The following PRKN variants were observed in gnomAD, a reference collection of about 807,000 sequenced individuals.
PRKN encodes parkin RBR E3 ubiquitin protein ligase.
Under a neutral mutation model 59.5 loss-of-function variants are expected in PRKN, and 56 were observed. The observed-to-expected ratio is 0.94, with a 90% CI of 0.76 to 1.18. PRKN has a LOEUF of 1.18. PRKN is among the 50% of genes most tolerant of loss of function. PRKN has a pLI of 0.00. For synonymous variants in PRKN, 250 were observed against 222.1 expected (o/e 1.13, Z -1.12); for missense variants, 657 against 596.4 (o/e 1.10, Z -1.06).
At chr6:162,409,973 C>G (rs890436765) in intron 2 of PRKN, among the ~76,000 whole-genome samples, 5 of 152,138 alleles carry the variant, frequency 3.3e-5, no homozygotes, top group African/African-American at 9.7e-5. Flanking sequence ...TTTATTTCCA[C>G]CAGTGAAAAA....
intron 1 of PRKN, among the ~76,000 whole-genome samples, chr6:162,687,460 C>T (rs1219147623): frequency 2.0e-5 from 3 of 151,780 alleles, no homozygotes; most frequent in East Asian, 1.9e-4. Flanking sequence ...CTGGGATTAC[C>T]GTCGTAAGCC....
chr6:162,418,613 A>AGTGT (rs140621171), intron 2 of PRKN, among the ~76,000 whole-genome samples: 6,519 of 126,344 alleles, frequency 0.052, 227 homozygotes, highest in African/African-American at 0.059. Context: ...AGGGACAGAC[A>AGTGT]GTGTGTGTGT....
At chr6:162,259,665 T>A (rs1414418485) in intron 3 of PRKN, among the ~76,000 whole-genome samples, 1 of 152,254 alleles carries the variant, frequency 6.6e-6, no homozygotes, top group African/African-American at 2.4e-5. Context: ...TTTGAAGAGA[T>A]GAAATCTCAA....
chr6:162,291,162 C>T (rs1046408547), intron 2 of PRKN, among the ~76,000 whole-genome samples: 1 of 152,024 alleles, frequency 6.6e-6, no homozygotes, highest in African/African-American at 2.4e-5. Context: ...GGAGGGTTAT[C>T]ATCATAAATC....
At chr6:161,870,278 C>A (rs139460870) in intron 6 of PRKN, among the ~76,000 whole-genome samples, 2 of 152,122 alleles carry the variant, frequency 1.3e-5, no homozygotes, top group Non-Finnish European at 2.9e-5. Flanking sequence ...AGAAGCCCCC[C>A]CACAGCTCAG....
chr6:162,140,745 G>A (rs1042397630), intron 4 of PRKN, among the ~76,000 whole-genome samples: 4 of 142,548 alleles, frequency 2.8e-5, no homozygotes, highest in Non-Finnish European at 6.2e-5. Flanking sequence ...ATTGGGTCAG[G>A]AATATTTACT....
chr6:161,582,232 C>T lies in PRKN; in HGVS notation c.872-12816G>A, dbSNP rs967573535. Among the ~76,000 whole-genome samples the T allele has an allele frequency of 1.3e-5, 2 of 152,016 alleles. No homozygotes were observed. Among genetic ancestry groups the T allele is most frequent in the Non-Finnish European group, 2.9e-5 (2 of 68,000 alleles). On this transcript the variant is annotated intron_variant, in intron 7 of 11. Coordinates refer to ENST00000366898, the MANE Select transcript of PRKN (RefSeq NM_004562.3). This position sits in a 1 kb window ranked among gnomAD's most constrained non-coding sequence, Gnocchi z 4.4. Reference sequence around the variant, plus strand: ...TGACAACCCAATTCTTTGGATAATTCGTCTTATTTTATAATAGCAGAAACA... The same window carrying T: ...TGACAACCCAATTCTTTGGATAATTTGTCTTATTTTATAATAGCAGAAACA...
At chr6:161,589,658 CAT>C (rs955715485) in intron 7 of PRKN, among the ~76,000 whole-genome samples, 3 of 151,946 alleles carry the variant, frequency 2.0e-5, no homozygotes, top group African/African-American at 7.3e-5. Context: ...CATGGAATTG[CAT>C]AGAGATGTTT....
intron 7 of PRKN, among the ~76,000 whole-genome samples, chr6:161,755,930 T>C (rs1349239033): frequency 1.3e-5 from 2 of 151,974 alleles, no homozygotes; most frequent in African/African-American, 2.4e-5. Context: ...GCAATAGGTG[T>C]TGGAAAAAAC....
At chr6:161,621,741 C>T (rs927547740) in intron 7 of PRKN, among the ~76,000 whole-genome samples, 3 of 152,090 alleles carry the variant, frequency 2.0e-5, no homozygotes, top group Non-Finnish European at 4.4e-5. Flanking sequence ...CATTTTGGTT[C>T]ATAGGAAAGA....
chr6:161,754,460 G>C (rs889873407), intron 7 of PRKN, among the ~76,000 whole-genome samples: 6 of 152,072 alleles, frequency 3.9e-5, no homozygotes, highest in Non-Finnish European at 8.8e-5. Flanking sequence ...CCGAGGGGTG[G>C]GGACACGAGG....
chr6:162,045,380 G>A (rs748453710), intron 5 of PRKN, among the ~76,000 whole-genome samples: 6 of 152,168 alleles, frequency 3.9e-5, no homozygotes, highest in Non-Finnish European at 5.9e-5. Flanking sequence ...CAAACCCTGA[G>A]TATTAAGGGG....
Position 161,499,772 on chromosome 6 carries a change from C to G in PRKN, c.1083+49082G>C, listed in dbSNP as rs558399440. Among the ~76,000 whole-genome samples, 6 of 151,752 alleles carry G rather than the reference C, an allele frequency of 4.0e-5. No individual in the cohort carries two copies. The highest frequency in any genetic ancestry group is 2.6e-4 in the Admixed American group (4 of 15,254). The stretch of plus-strand genomic sequence containing the variant: ...GCTGAGGTCATCATATATTCAGAAC[C>G]AAGTTCTACGAATGGGTAAAGAATT... On this transcript the variant is annotated intron_variant, in intron 9 of 11. Transcript: ENST00000366898. This position sits in a 1 kb window ranked among gnomAD's most constrained non-coding sequence, Gnocchi z 4.2.
chr6:162,213,804 T>TAC lies in PRKN; in HGVS notation c.413-12554_413-12553dup, dbSNP rs58192789. On this transcript the variant is annotated intron_variant, in intron 3 of 11. Transcript: ENST00000366898. ...TAAAAATATTTCCAAAAAAAAACCATACACACACACACACACACACACACA... is the reference window on the plus strand; with the variant it reads ...TAAAAATATTTCCAAAAAAAAACCATACACACACACACACACACACACACACA... 4.9e-3 allele frequency among the ~76,000 whole-genome samples: 620 copies of TAC among 126,614 alleles called. 4 individuals carry two copies. The highest frequency in any genetic ancestry group is 6.6e-3 in the Non-Finnish European group (399 of 60,438). 83.1% of individuals were successfully genotyped at this position (126,614 alleles called of 152,430 possible).
intron 2 of PRKN, among the ~76,000 whole-genome samples, chr6:162,380,509 GTATA>G (rs34461270): frequency 9.6e-5 from 4 of 41,644 alleles, no homozygotes; most frequent in African/African-American, 3.6e-4. Flanking sequence ...ATATATGTGT[GTATA>G]TATATATATA....
At chr6:161,389,807 G>T (rs1469834011) in intron 9 of PRKN, among the ~76,000 whole-genome samples, 2 of 152,176 alleles carry the variant, frequency 1.3e-5, no homozygotes. Flanking sequence ...GCTCGTGGAT[G>T]AGATATAAAA....
chr6:162,016,569 A>T (rs1025603940), intron 5 of PRKN, among the ~76,000 whole-genome samples: 2 of 152,016 alleles, frequency 1.3e-5, no homozygotes, highest in Non-Finnish European at 2.9e-5. Context: ...GGCCATGTCT[A>T]TTGCTAGCAG....
At chr6:162,569,941 C>T (rs545221546) in intron 1 of PRKN, among the ~76,000 whole-genome samples, 3 of 152,156 alleles carry the variant, frequency 2.0e-5, no homozygotes, top group Admixed American at 6.5e-5. Flanking sequence ...TTTTTTCCCC[C>T]CAAAATAAAA....
At chr6:161,760,070 T>C (rs886620144) in intron 7 of PRKN, among the ~76,000 whole-genome samples, 1 of 45,224 alleles carries the variant, frequency 2.2e-5, no homozygotes, top group Non-Finnish European at 5.9e-5. Context: ...ACACAGCTCG[T>C]TCTTAAAAAA....
Sources: gnomAD v4.1 joint callset for allele counts (sites outside exome capture counted in the v4.1 genomes callset) on GRCh38, gnomAD v4.1.1 for gene constraint, Gnocchi (gnomAD v3.1) non-coding constraint, MANE v1.5 for transcripts, NCBI Gene and HGNC (gene_info 2026-07-23, HGNC 2026-07-21) for gene names.